The following FAM131B variants were observed in gnomAD, a reference collection of about 807,000 sequenced individuals.
FAM131B encodes the protein protein FAM131B.
In FAM131B, 19 loss-of-function variants were observed where a neutral mutation model predicts 42.0. The ratio of observed to expected loss-of-function variants is 0.45; its 90% CI spans 0.32 to 0.66. The LOEUF is 0.66. Among genes scored for constraint, FAM131B ranks in the 30% least tolerant of loss-of-function variants. The probability of loss-of-function intolerance (pLI) is 0.05; values close to 1 mark genes in which losing one functional copy is unlikely to be tolerated. For synonymous variants in FAM131B, 183 were observed against 177.6 expected (o/e 1.03, Z -0.24); for missense variants, 370 against 468.4 (o/e 0.79, Z 1.94).
At chr7:143,374,340 C>T in the FAM131B span, among the ~76,000 whole-genome samples, 2 of 152,174 alleles carry the variant, frequency 1.3e-5, no homozygotes, top group Non-Finnish European at 2.9e-5. Context: ...GTCTCTTTCT[C>T]CCTTTGTCCC....
At chr7:143,381,939 T>G in the FAM131B span, 1 of 785,838 alleles carries the variant, frequency 1.3e-6, no homozygotes, top group Admixed American at 3.1e-5. Flanking sequence ...AGCTCGTGGC[T>G]GGGAGCCAGG....
At chr7:143,369,080 A>G in the FAM131B span, among the ~76,000 whole-genome samples, 3 of 152,218 alleles carry the variant, frequency 2.0e-5, no homozygotes, top group Non-Finnish European at 2.9e-5. Context: ...CTGGTTGAAT[A>G]CTTAGAAATC....
chr7:143,369,473 G>A, the FAM131B span, among the ~76,000 whole-genome samples: 2 of 152,000 alleles, frequency 1.3e-5, no homozygotes, highest in East Asian at 1.9e-4. Flanking sequence ...TCAGGAGTTC[G>A]AGACCTGCCT....
the FAM131B span, among the ~76,000 whole-genome samples, chr7:143,373,464 G>A: frequency 6.6e-6 from 1 of 152,170 alleles, no homozygotes; most frequent in Non-Finnish European, 1.5e-5. Context: ...TTCAAAACTG[G>A]GGGATTTTAG....
At chr7:143,364,918 C>A (rs1259757030), upstream of FAM131B, among the ~76,000 whole-genome samples, 1 of 152,160 alleles carries the variant, frequency 6.6e-6, no homozygotes, top group Admixed American at 6.5e-5. Flanking sequence ...GACACTTATC[C>A]CATTTTGAAG....
chr7:143,379,601 T>C, the FAM131B span: 1 of 152,112 alleles, frequency 6.6e-6, no homozygotes, highest in Non-Finnish European at 1.5e-5. Flanking sequence ...GAAAGGGACA[T>C]ATGGGGGAAA....
Position 143,359,234 on chromosome 7 carries a change from G to T in FAM131B, c.268+92C>A. On this transcript the variant is annotated intron_variant, in intron 4 of 6. Transcript: ENST00000443739. This position sits in a 1 kb window ranked among gnomAD's most constrained non-coding sequence, Gnocchi z 5.4. ...AATAGGTCAGGGGGTGGGGATGAGG[G>T]TCTTCATCAACCTCGAAGGAGCAGG... is the stretch of plus-strand genomic sequence containing the variant. 1 of 1,113,284 alleles carries T rather than the reference G, an allele frequency of 9.0e-7. No individual in the cohort carries two copies. Among genetic ancestry groups the T allele is most frequent in the Non-Finnish European group, 1.3e-6 (1 of 744,236 alleles). The allele number at this position is 1,113,284 out of a possible 1,614,324, so 69.0% of individuals were successfully genotyped here.
At chr7:143,380,529 C>A in the FAM131B span, 1 of 985,520 alleles carries the variant, frequency 1.0e-6, no homozygotes, top group South Asian at 4.7e-5. The surrounding 1 kb of genome is among the most constrained non-coding windows in gnomAD (Gnocchi z 5.0). Flanking sequence ...GGTCTCCAGT[C>A]CGCAGGCGGC....
Position 143,362,638 on chromosome 7 carries a change from C to T in FAM131B, c.-35G>A. On this transcript the variant is annotated 5_prime_UTR_variant, in exon 1 of 7. Transcript: ENST00000443739. The surrounding 1 kb of genome is among the most constrained non-coding windows in gnomAD (Gnocchi z 7.7). ...GGCCGCAGAGCCGGGCCCTCACCGA[C>T]TCGGGGCGCGCGCCGGGGGGAGCAC... 1 of 1,196,638 alleles carries T rather than the reference C, an allele frequency of 8.4e-7. No individual in the cohort carries two copies. Among genetic ancestry groups the T allele is most frequent in the Non-Finnish European group, 1.0e-6 (1 of 963,802 alleles). 74.1% of individuals were successfully genotyped at this position (1,196,638 alleles called of 1,614,324 possible).
chr7:143,376,890 A>G, the FAM131B span, among the ~76,000 whole-genome samples: 1 of 152,248 alleles, frequency 6.6e-6, no homozygotes, highest in Non-Finnish European at 1.5e-5. Flanking sequence ...ACATGTTCAC[A>G]GGGACAAAAT....
chr7:143,354,920 G>C lies in FAM131B; in HGVS notation c.*1630C>G, dbSNP rs1286593562. 1 of 152,328 alleles carries C rather than the reference G, an allele frequency of 6.6e-6. No homozygotes were observed. Among genetic ancestry groups the C allele is most frequent in the Non-Finnish European group, 1.5e-5 (1 of 68,194 alleles). The allele number at this position is 152,328 out of a possible 1,614,324, so 9.4% of individuals were successfully genotyped here. ...TCTCACTCCAAAATAATAAGTTCTG[G>C]GGCCTGGGGGTGAGGGCAAAGTTTG... On this transcript the variant is annotated 3_prime_UTR_variant, in exon 7 of 7. Coordinates refer to ENST00000443739, the MANE Select transcript of FAM131B (RefSeq NM_001031690.3).
Position 143,356,369 on chromosome 7 carries a change from C to T in FAM131B, c.*181G>A, listed in dbSNP as rs1319032598. On this transcript the variant is annotated 3_prime_UTR_variant, in exon 7 of 7. Coordinates refer to ENST00000443739, the MANE Select transcript of FAM131B (RefSeq NM_001031690.3). This position sits in a 1 kb window ranked among gnomAD's most constrained non-coding sequence, Gnocchi z 4.4. ...TCTCAGTTCCCAGGCCTGTGGGTTT[C>T]TAGAGTGTAAGCCTGGATAAAATCC... The T allele has an allele frequency of 3.4e-6, 2 of 593,532 alleles. No individual in the cohort carries two copies. The highest frequency in any genetic ancestry group is 6.0e-6 in the Non-Finnish European group (2 of 335,828). The allele number at this position is 593,532 out of a possible 1,614,324, so 36.8% of individuals were successfully genotyped here.
the FAM131B span, among the ~76,000 whole-genome samples, chr7:143,369,515 A>C: frequency 6.6e-6 from 1 of 152,064 alleles, no homozygotes; most frequent in African/African-American, 2.4e-5. Context: ...TCTCTACTAA[A>C]AATACAAAAA....
At chr7:143,357,691 A>T (rs906445312) in intron 5 of FAM131B, among the ~76,000 whole-genome samples, 1 of 152,258 alleles carries the variant, frequency 6.6e-6, no homozygotes, top group African/African-American at 2.4e-5. Context: ...GATATTTTAC[A>T]TTCTTTTATT....
chr7:143,359,650 C>A lies in FAM131B; in HGVS notation c.174+82G>T. The A allele has an allele frequency of 2.2e-6, 3 of 1,339,182 alleles. No individual in the cohort carries two copies. The highest frequency in any genetic ancestry group is 2.1e-6 in the Non-Finnish European group (2 of 953,146). 83.0% of individuals were successfully genotyped at this position (1,339,182 alleles called of 1,614,324 possible). A position where few individuals can be genotyped will look rare whatever the true frequency, so the allele number is the denominator to read the frequency against. ...AGTGCCTATTGGAGCCAGGGAATAC[C>A]GTGCTGGTTGGAAGGTGCAAGGGAG... is the stretch of plus-strand genomic sequence containing the variant. On this transcript the variant is annotated intron_variant, in intron 3 of 6. Transcript: ENST00000443739. The surrounding 1 kb of genome is among the most constrained non-coding windows in gnomAD (Gnocchi z 5.4).
At chr7:143,380,969 C>A in the FAM131B span, 1 of 299,634 alleles carries the variant, frequency 3.3e-6, no homozygotes, top group Non-Finnish European at 4.9e-6. The surrounding 1 kb of genome is among the most constrained non-coding windows in gnomAD (Gnocchi z 5.0). Context: ...CCTCCGCCGG[C>A]TAAGCCCGGA....
At chr7:143,374,854 T>C in the FAM131B span, among the ~76,000 whole-genome samples, 1 of 152,230 alleles carries the variant, frequency 6.6e-6, no homozygotes, top group African/African-American at 2.4e-5. Context: ...GGCTTCCCTC[T>C]CCTGAGCTCC....
intron 1 of FAM131B, chr7:143,360,379 T>C: frequency 7.2e-7 from 1 of 1,391,556 alleles, no homozygotes; most frequent in Non-Finnish European, 9.3e-7. Flanking sequence ...GCCTTATTTG[T>C]TGTTGTTTAT....
the FAM131B span, among the ~76,000 whole-genome samples, chr7:143,376,639 G>A: frequency 3.8e-4 from 58 of 152,176 alleles, no homozygotes; most frequent in Non-Finnish European, 6.9e-4. Flanking sequence ...ACCTCATCCT[G>A]ATGCGCGCCC....
Sources: gnomAD v4.1 joint callset for allele counts (sites outside exome capture counted in the v4.1 genomes callset) on GRCh38, gnomAD v4.1.1 for gene constraint, Gnocchi (gnomAD v3.1) non-coding constraint, MANE v1.5 for transcripts, NCBI Gene and HGNC (gene_info 2026-07-23, HGNC 2026-07-21) for gene names.